Variants in KLHL4 observed in about 807,000 individuals in gnomAD.
KLHL4 encodes kelch-like protein 4.
KLHL4 carries 17 observed loss-of-function variants against 45.8 expected under a neutral mutation model. The observed-to-expected ratio is 0.37, with a 90% CI of 0.25 to 0.56. The LOEUF is 0.56. Ranked by LOEUF, KLHL4 falls within the 20% of genes least tolerant of loss-of-function variation. The probability of loss-of-function intolerance (pLI) is 0.79; values close to 1 mark genes in which losing one functional copy is unlikely to be tolerated. For missense variants in KLHL4, 544 were observed against 544.9 expected (o/e 1.00, Z 0.02); for synonymous variants, 224 against 189.9 (o/e 1.18, Z -1.47).
intron 3 of KLHL4, among the ~76,000 whole-genome samples, chrX:87,615,924 A>T (rs1188846027): frequency 9.0e-6 from 1 of 111,134 alleles, no homozygotes; most frequent in Non-Finnish European, 1.9e-5. Context: ...TTTTGAATAT[A>T]CTAAAAAACA....
chrX:87,530,798 G>A (rs1489885368), intron 1 of KLHL4, among the ~76,000 whole-genome samples: 9 of 103,598 alleles, frequency 8.7e-5, no homozygotes, highest in African/African-American at 2.9e-4. Context: ...TAATGGGATG[G>A]CTGGGTCAAA....
chrX:87,580,054 T>C (rs925648429), intron 1 of KLHL4, among the ~76,000 whole-genome samples: 3 of 111,890 alleles, frequency 2.7e-5, no homozygotes, highest in Non-Finnish European at 3.8e-5. Flanking sequence ...ATGTAAAAGA[T>C]ACAAATTGTG....
intron 3 of KLHL4, among the ~76,000 whole-genome samples, chrX:87,616,170 C>G (rs1922549391): frequency 9.1e-6 from 1 of 110,419 alleles, no homozygotes; most frequent in African/African-American, 3.3e-5. Flanking sequence ...TGGGAGCAGA[C>G]CATTTTTTAG....
chrX:87,554,907 A>C (rs1415435444), intron 1 of KLHL4, among the ~76,000 whole-genome samples: 1 of 105,422 alleles, frequency 9.5e-6, no homozygotes, highest in African/African-American at 3.5e-5. Flanking sequence ...TACCTAATTT[A>C]TTGAGAGTTT....
At chrX:87,654,399 T>C (rs1258772808) in intron 9 of KLHL4, among the ~76,000 whole-genome samples, 3 of 110,343 alleles carry the variant, frequency 2.7e-5, no homozygotes, top group Non-Finnish European at 5.6e-5. Context: ...ATGTGATATT[T>C]GACTTCCTGT....
chrX:87,565,902 G>T (rs1262171111), intron 1 of KLHL4, among the ~76,000 whole-genome samples: 2 of 109,313 alleles, frequency 1.8e-5, no homozygotes, highest in Non-Finnish European at 3.8e-5. Context: ...GACAATTAAA[G>T]ATGAGTTATT....
chrX:87,558,053 C>G (rs73509872), intron 1 of KLHL4, among the ~76,000 whole-genome samples: 199 of 111,932 alleles, frequency 1.8e-3, no homozygotes, highest in African/African-American at 6.3e-3. Flanking sequence ...GATCATGGGC[C>G]ACTTTGGGCC....
Position 87,642,220 on chromosome X carries a change from G to A in KLHL4, c.1925+6445G>A, listed in dbSNP as rs182956047. On this transcript the variant is annotated intron_variant, in intron 9 of 10. Coordinates refer to ENST00000373119, the MANE Select transcript of KLHL4 (RefSeq NM_019117.5). ...TAGATGGTTCACATCCCAGGACTCT[G>A]TGCAGACACCCCCCAGTACCAGCCT... Among the ~76,000 whole-genome samples, 248 of 111,331 alleles carry A rather than the reference G, an allele frequency of 2.2e-3. 2 individuals carry two copies. Among genetic ancestry groups the A allele is most frequent in the African/African-American group, 7.7e-3 (235 of 30,582 alleles).
At chrX:87,560,073 T>C (rs970603159) in intron 1 of KLHL4, among the ~76,000 whole-genome samples, 4 of 111,685 alleles carry the variant, frequency 3.6e-5, no homozygotes, top group Admixed American at 1.9e-4. Context: ...TTCCTCTGTA[T>C]ATATAGGAGA....
At chrX:87,633,962 G>A (rs747562364) in intron 8 of KLHL4, 51 bp downstream of exon 8, 3 of 995,624 alleles carry the variant, frequency 3.0e-6, no homozygotes, top group Non-Finnish European at 2.7e-6. Flanking sequence ...ATATAGTATA[G>A]AACTTCGGTG....
At chrX:87,657,051 C>T (rs1924013783) in intron 9 of KLHL4, among the ~76,000 whole-genome samples, 1 of 112,186 alleles carries the variant, frequency 8.9e-6, no homozygotes, top group African/African-American at 3.2e-5. Context: ...AGCAGGCTCA[C>T]TGCCTCCATT....
intron 7 of KLHL4, among the ~76,000 whole-genome samples, chrX:87,633,095 T>G (rs1475772298): frequency 1.8e-5 from 2 of 111,411 alleles, no homozygotes; most frequent in African/African-American, 3.3e-5. Context: ...CAGAGCAAGC[T>G]TATTTTTCAA....
intron 6 of KLHL4, among the ~76,000 whole-genome samples, chrX:87,628,848 G>T (rs1923016935): frequency 1.8e-5 from 2 of 112,011 alleles, no homozygotes; most frequent in African/African-American, 6.5e-5. Context: ...ACAAATGGCT[G>T]GGGCTAACTA....
intron 1 of KLHL4, among the ~76,000 whole-genome samples, chrX:87,598,871 CCT>C (rs1489184135): frequency 9.1e-6 from 1 of 110,245 alleles, no homozygotes; most frequent in African/African-American, 3.3e-5. Flanking sequence ...TTTTTGTATA[CCT>C]CTCTGTCGAA....
At chrX:87,647,471 A>G (rs1405196194) in intron 9 of KLHL4, among the ~76,000 whole-genome samples, 1 of 112,371 alleles carries the variant, frequency 8.9e-6, no homozygotes, top group Admixed American at 9.4e-5. Context: ...AATTGCAAAA[A>G]TATGGAACCA....
intron 1 of KLHL4, among the ~76,000 whole-genome samples, chrX:87,531,521 A>C (rs1336580362): frequency 2.8e-5 from 3 of 109,038 alleles, no homozygotes; most frequent in African/African-American, 1.0e-4. Context: ...GTATTCAATT[A>C]GGAAAAGAGG....
At chrX:87,641,302 G>GAGA (rs1236422961) in intron 9 of KLHL4, among the ~76,000 whole-genome samples, 1 of 111,943 alleles carries the variant, frequency 8.9e-6, no homozygotes, top group East Asian at 2.8e-4. Context: ...CTGTTTGCAG[G>GAGA]AGAAGTTTCC....
intron 3 of KLHL4, among the ~76,000 whole-genome samples, chrX:87,616,829 A>C (rs1008364337): frequency 2.7e-5 from 3 of 111,558 alleles, no homozygotes; most frequent in Non-Finnish European, 5.7e-5. Flanking sequence ...CAAAACAAGA[A>C]CAATACAAGA....
chrX:87,667,508 A>G lies in KLHL4; in HGVS notation c.*974A>G. The G allele has an allele frequency of 2.7e-6, 2 of 731,734 alleles. No homozygotes were observed. Among genetic ancestry groups the G allele is most frequent in the Non-Finnish European group, 3.2e-6 (2 of 619,118 alleles). The allele number at this position is 731,734 out of a possible 1,213,427, so 60.3% of individuals were successfully genotyped here. A position where few individuals can be genotyped will look rare whatever the true frequency, so the allele number is the denominator to read the frequency against. On this transcript the variant is annotated 3_prime_UTR_variant, in exon 11 of 11. Coordinates refer to ENST00000373119, the MANE Select transcript of KLHL4 (RefSeq NM_019117.5). ...ATATTCAATAAGCCTGGTCAATTCT[A>G]TAGTTATCTTTTTTGTACCAACACA...
Sources: allele counts gnomAD v4.1 joint callset (sites outside exome capture counted in the v4.1 genomes callset), GRCh38; gene constraint gnomAD v4.1.1; transcripts MANE v1.5; gene names NCBI Gene and HGNC (gene_info 2026-07-23, HGNC 2026-07-21).